Variants in UGGT1 observed in about 807,000 individuals in gnomAD.
UGGT1 encodes UDP-glucose glycoprotein glucosyltransferase 1.
Under a neutral mutation model 203.9 loss-of-function variants are expected in UGGT1, and 107 were observed. That is an observed-to-expected ratio of 0.52 (90% confidence interval 0.45 to 0.62). The LOEUF (loss-of-function observed/expected upper bound fraction) is 0.62, where lower values mean the gene tolerates loss of function less well. UGGT1 is among the 20% of genes least tolerant of loss of function. The pLI, the probability that UGGT1 is intolerant of heterozygous loss-of-function variation, is 0.00. For missense variants in UGGT1, 1,673 were observed against 1,867.2 expected, an observed-to-expected ratio of 0.90 and a Z score of 1.92; for synonymous variants, 628 against 653.5, an observed-to-expected ratio of 0.96 and a Z score of 0.59.
At chr2:128,115,831 A>G (rs1309715710) in intron 7 of UGGT1, among the ~76,000 whole-genome samples, 2 of 152,156 alleles carry the variant, frequency 1.3e-5, no homozygotes, top group Non-Finnish European at 2.9e-5. Flanking sequence ...AGTAAAGCAG[A>G]TGGAAAATAA....
rs58387353 is a variant in UGGT1 at position 128,150,589 on chromosome 2, G to A, written c.2017-2195G>A. On this transcript the variant is annotated intron_variant, in intron 18 of 40. Transcript: ENST00000259253. ...TGTGTGTGTGTGTCTGTGTGTGCAC[G>A]CATGTGTGCATGTGTGTGTATACAA... 5.1e-3 allele frequency among the ~76,000 whole-genome samples: 775 copies of A among 151,804 alleles called. 9 individuals are homozygous for A. Among genetic ancestry groups the A allele is most frequent in the African/African-American group, 0.016 (683 of 41,400 alleles).
At chr2:128,119,954 T>G (rs530417903) in intron 8 of UGGT1, among the ~76,000 whole-genome samples, 56 of 152,106 alleles carry the variant, frequency 3.7e-4, no homozygotes, top group African/African-American at 1.3e-3. Context: ...TTTCTTTTTT[T>G]TTTTAAGAGA....
At chr2:128,159,357 C>G (rs539757512) in intron 22 of UGGT1, among the ~76,000 whole-genome samples, 157 bp from the exon 23 acceptor site, 1 of 152,128 alleles carries the variant, frequency 6.6e-6, no homozygotes, top group South Asian at 2.1e-4. Context: ...CTTTGGCTTT[C>G]CAAAGTGCTG....
rs748060708 is a variant in UGGT1 at position 128,152,820 on chromosome 2, A to G, written c.2053A>G (p.Ile685Val). The change falls in exon 19 of 41, where the codon ATC (isoleucine) becomes GTC (valine). Residue 685 changes from isoleucine (I) to valine (V), a missense_variant. Ile to Val is a conservative substitution (Grantham distance 29). Coordinates refer to ENST00000259253, the MANE Select transcript of UGGT1 (RefSeq NM_020120.4). ...LPHDQDVVEY[I>V]MNQPNVVPRI... The stretch of plus-strand genomic sequence containing the variant: ...CCATGATCAAGATGTGGTAGAGTAT[A>G]TCATGAATCAGCCAAATGTTGTTCC... 4 of 1,613,674 alleles carry G rather than the reference A, an allele frequency of 2.5e-6. No homozygotes were observed. The highest frequency in any genetic ancestry group is 2.7e-5 in the African/African-American group (2 of 74,864).
Position 128,107,947 on chromosome 2 carries a change from A to G in UGGT1, c.287A>G (p.Tyr96Cys). 1 of 1,614,178 alleles carries G rather than the reference A, an allele frequency of 6.2e-7. No individual in the cohort carries two copies. The highest frequency in any genetic ancestry group is 8.5e-7 in the Non-Finnish European group (1 of 1,180,020). ...IGSSDHDGTDYSYYHAILEAA... is the reference protein window; with the variant it reads ...IGSSDHDGTDCSYYHAILEAA... ...TGTTCTTCCTTGACAGGTACCGATTATTCCTACTATCATGCAATATTGGAG... is the reference window on the plus strand; with the variant it reads ...TGTTCTTCCTTGACAGGTACCGATTGTTCCTACTATCATGCAATATTGGAG... Residue 96 changes from tyrosine to cysteine, a missense_variant, in exon 4 of 41, where the codon TAT (tyrosine) becomes TGT (cysteine). This residue lies in a region of UGGT1 where 1,073 missense variants were observed against 1,078.7 expected (regional missense o/e 0.99). Transcript: ENST00000259253.
intron 2 of UGGT1, among the ~76,000 whole-genome samples, chr2:128,101,257 G>A (rs2105341673): frequency 6.6e-6 from 1 of 152,146 alleles, no homozygotes; most frequent in East Asian, 1.9e-4. Flanking sequence ...AAGGTACTAT[G>A]TCCATCTGGT....
intron 3 of UGGT1, among the ~76,000 whole-genome samples, chr2:128,107,720 CA>C (rs1687666884): frequency 6.6e-6 from 1 of 152,060 alleles, no homozygotes; most frequent in Non-Finnish European, 1.5e-5. Context: ...AATAGCGGTC[CA>C]GGGGAGGGAA....
chr2:128,112,454 T>TTTTATATATATATATATATATATATA lies in UGGT1; in HGVS notation c.522-629_522-628insTTATATATATATATATATATATATAT, dbSNP rs149422257. Among the ~76,000 whole-genome samples the TTTTATATATATATATATATATATATA allele has an allele frequency of 1.1e-4, 6 of 55,800 alleles. 1 individual carries two copies. The highest frequency in any genetic ancestry group is 3.2e-4 in the African/African-American group (6 of 18,892). 36.6% of individuals were successfully genotyped at this position (55,800 alleles called of 152,430 possible). A position where few individuals can be genotyped will look rare whatever the true frequency, so the allele number is the denominator to read the frequency against. ...AAAAAACCCCCCAAAAAATACTATG[T>TTTTATATATATATATATATATATATA]TATATATATATATATATATTACATA... On this transcript the variant is annotated intron_variant, in intron 5 of 40. Transcript: ENST00000259253.
intron 38 of UGGT1, among the ~76,000 whole-genome samples, chr2:128,186,434 G>A (rs1029288875): frequency 1.3e-5 from 2 of 151,986 alleles, no homozygotes; most frequent in Non-Finnish European, 2.9e-5. Context: ...ATGGCAAAAC[G>A]CATCTCTAGT....
Position 128,143,209 on chromosome 2 carries a change from A to C in UGGT1, c.1835A>C (p.Tyr612Ser), listed in dbSNP as rs551061176. ...AGCATTTTGGGGATTGATTCTGCTT[A>C]TGATCGGAATCGGAAGGTAAAAAAT... is the stretch of plus-strand genomic sequence containing the variant. ...VNSILGIDSA[Y>S]DRNRKEARGY... is the part of the protein sequence containing the mutation. Residue 612 changes from tyrosine (Y) to serine (S), a missense_variant, in exon 17 of 41, where the codon TAT becomes TCT. By Grantham distance (144) the Tyr-to-Ser change is moderately radical. This residue lies in a region of UGGT1 where 1,073 missense variants were observed against 1,078.7 expected (regional missense o/e 0.99). Transcript: ENST00000259253. 55 of 1,613,624 alleles carry C rather than the reference A, an allele frequency of 3.4e-5. No individual in the cohort carries two copies. The highest frequency in any genetic ancestry group is 4.2e-5 in the Non-Finnish European group (50 of 1,179,856).
intron 16 of UGGT1, 121 bp from the exon 17 acceptor site, chr2:128,142,973 G>T: frequency 9.6e-7 from 1 of 1,043,382 alleles, no homozygotes; most frequent in Non-Finnish European, 1.3e-6. Flanking sequence ...GCAAAACTCC[G>T]TCTCAAAAAA....
At chr2:128,135,592 C>T (rs1311433465) in intron 15 of UGGT1, among the ~76,000 whole-genome samples, 1 of 152,122 alleles carries the variant, frequency 6.6e-6, no homozygotes, top group East Asian at 1.9e-4. Flanking sequence ...ATAAATATTA[C>T]TGTGTGTTCC....
At chr2:128,097,850 G>T (rs1224351960) in intron 2 of UGGT1, among the ~76,000 whole-genome samples, 1 of 152,104 alleles carries the variant, frequency 6.6e-6, no homozygotes, top group South Asian at 2.1e-4. Flanking sequence ...AGGAAAGAGA[G>T]GGTTATGTTT....
intron 17 of UGGT1, among the ~76,000 whole-genome samples, chr2:128,144,683 T>G (rs1689594694): frequency 6.6e-6 from 1 of 152,174 alleles, no homozygotes; most frequent in African/African-American, 2.4e-5. Context: ...CCTAGAAGGC[T>G]TTTTAGGCTG....
chr2:128,128,890 G>A (rs1215274278), intron 12 of UGGT1, 139 bp from the exon 13 acceptor site: 23 of 765,040 alleles, frequency 3.0e-5, no homozygotes, highest in Non-Finnish European at 4.0e-5. Context: ...TCCTCAATTT[G>A]TGTGTTTATT....
chr2:128,101,980 T>G (rs987763343), intron 2 of UGGT1, among the ~76,000 whole-genome samples: 3 of 152,138 alleles, frequency 2.0e-5, no homozygotes, highest in African/African-American at 2.4e-5. Context: ...TTTCAAAACA[T>G]TTATATATGG....
chr2:128,155,004 G>C (rs910497156), intron 19 of UGGT1, among the ~76,000 whole-genome samples: 1 of 152,196 alleles, frequency 6.6e-6, no homozygotes, highest in African/African-American at 2.4e-5. Context: ...TGCAAAAAGA[G>C]TGAAAATGAC....
At chr2:128,141,179 C>T (rs1689404628) in intron 16 of UGGT1, among the ~76,000 whole-genome samples, 2 of 151,764 alleles carry the variant, frequency 1.3e-5, no homozygotes, top group Admixed American at 1.3e-4. Flanking sequence ...CAAAAATTGG[C>T]CATGTGTGGT....
chr2:128,174,914 C>A, intron 31 of UGGT1, 56 bp downstream of exon 31: 1 of 1,477,026 alleles, frequency 6.8e-7, no homozygotes, highest in Non-Finnish European at 9.3e-7. Flanking sequence ...TGAGCATTAG[C>A]TCTAATTGAA....
Sources: gnomAD v4.1 joint callset for allele counts (sites outside exome capture counted in the v4.1 genomes callset) on GRCh38, gnomAD v4.1.1 for gene constraint, gnomAD v4.1.1 regional missense constraint, MANE v1.5 for transcripts, NCBI Gene and HGNC (gene_info 2026-07-23, HGNC 2026-07-21) for gene names.